Variants in ATP6V1B2 observed in about 807,000 individuals in gnomAD.
ATP6V1B2 encodes the protein ATPase H+ transporting V1 subunit B2, also known as V-type proton ATPase subunit B, brain isoform.
A neutral mutation model predicts 66.7 loss-of-function variants in ATP6V1B2; 23 were observed. The observed-to-expected ratio is 0.34, with a 90% CI of 0.25 to 0.49. The LOEUF (loss-of-function observed/expected upper bound fraction) is 0.49. Among genes scored for constraint, ATP6V1B2 ranks in the 20% least tolerant of loss-of-function variants. The pLI is 0.99. For synonymous variants in ATP6V1B2, 278 were observed against 236.7 expected (o/e 1.17, Z -1.60); for missense variants, 478 against 650.8 (o/e 0.73, Z 2.89).
At chr8:20,217,854 G>T (rs2072870881) in intron 12 of ATP6V1B2, among the ~76,000 whole-genome samples, 1 of 152,060 alleles carries the variant, frequency 6.6e-6, no homozygotes, top group South Asian at 2.1e-4. Context: ...ATTTCTCCAT[G>T]GTTTAACTAT....
At chr8:20,219,354 A>G (rs936252774) in intron 13 of ATP6V1B2, among the ~76,000 whole-genome samples, 2 of 152,134 alleles carry the variant, frequency 1.3e-5, no homozygotes, top group Non-Finnish European at 2.9e-5. Flanking sequence ...TGCCATTGCC[A>G]GGGTAAATAT....
At chr8:20,200,097 G>A (rs956252989) in intron 1 of ATP6V1B2, among the ~76,000 whole-genome samples, 1 of 151,964 alleles carries the variant, frequency 6.6e-6, no homozygotes, top group African/African-American at 2.4e-5. Flanking sequence ...CCACATCTCA[G>A]GCTCAAGCGA....
rs1374739868 is a variant in ATP6V1B2, at chr8:20,210,229, A to C, written c.292-117A>C. On this transcript the variant is annotated intron_variant, in intron 3 of 13. Coordinates refer to ENST00000276390, the MANE Select transcript of ATP6V1B2 (RefSeq NM_001693.4). ...TCATATTTCTTTGCTCATTATATCA[A>C]AAGTAGTATACATTCATGGGTTTTA... The C allele has an allele frequency of 7.7e-6, 6 of 781,528 alleles. No individual in the cohort carries two copies. In the East Asian group the frequency reaches 1.7e-4, roughly 22 times the overall value. The allele number at this position is 781,528 out of a possible 1,614,324, so 48.4% of individuals were successfully genotyped here. A position where few individuals can be genotyped will look rare whatever the true frequency, so the allele number is the denominator to read the frequency against.
intron 2 of ATP6V1B2, among the ~76,000 whole-genome samples, chr8:20,208,437 C>G (rs999272725): frequency 1.3e-4 from 20 of 152,130 alleles, no homozygotes; most frequent in Non-Finnish European, 2.8e-4. Context: ...TCACATCACA[C>G]AAAATAATGA....
chr8:20,211,420 C>A, intron 6 of ATP6V1B2, 104 bp downstream of exon 6: 1 of 1,460,700 alleles, frequency 6.8e-7, no homozygotes, highest in South Asian at 1.4e-5. Flanking sequence ...AATAAATACT[C>A]AGTGTTATTG....
At chr8:20,201,310 G>GT (rs1471728883) in intron 1 of ATP6V1B2, among the ~76,000 whole-genome samples, 9 of 152,280 alleles carry the variant, frequency 5.9e-5, no homozygotes, top group African/African-American at 2.2e-4. Flanking sequence ...TTACAAATGG[G>GT]TTTTTTCCTG....
chr8:20,198,808 G>A (rs1473151582), intron 1 of ATP6V1B2, among the ~76,000 whole-genome samples: 2 of 152,194 alleles, frequency 1.3e-5, no homozygotes, highest in African/African-American at 4.8e-5. Context: ...GCTGAGATGT[G>A]CCTTTTACAG....
At chr8:20,199,014 T>C (rs998579970) in intron 1 of ATP6V1B2, among the ~76,000 whole-genome samples, 24 of 152,244 alleles carry the variant, frequency 1.6e-4, no homozygotes, top group African/African-American at 5.8e-4. Context: ...TAGACATTAG[T>C]GGTGCCTCTC....
intron 10 of ATP6V1B2, chr8:20,215,207 T>G (rs2072841588): frequency 5.4e-6 from 2 of 367,414 alleles, no homozygotes; most frequent in Non-Finnish European, 9.7e-6. Context: ...ATTGAGTGCC[T>G]GCTGTTTGCA....
rs1188598465 is a variant in ATP6V1B2, at chr8:20,221,215, G to C, written c.*813G>C. The stretch of plus-strand genomic sequence containing the variant: ...AAAACCTACAGCCTTTCTACATTCT[G>C]ACATGCTAACAGTGGTTTAAGTTTC... On this transcript the variant is annotated 3_prime_UTR_variant, in exon 14 of 14. Transcript: ENST00000276390. The C allele has an allele frequency of 6.6e-6, 1 of 152,328 alleles. No homozygotes were observed. Among genetic ancestry groups the C allele is most frequent in the African/African-American group, 2.4e-5 (1 of 41,576 alleles). 9.4% of individuals were successfully genotyped at this position (152,328 alleles called of 1,614,324 possible). A position where few individuals can be genotyped will look rare whatever the true frequency, so the allele number is the denominator to read the frequency against.
At chr8:20,199,024 C>G (rs2072656731) in intron 1 of ATP6V1B2, among the ~76,000 whole-genome samples, 1 of 152,064 alleles carries the variant, frequency 6.6e-6, no homozygotes, top group African/African-American at 2.4e-5. Context: ...TGGTGCCTCT[C>G]AAAAAAGGTT....
In ATP6V1B2 at chr8:20,211,694, T is replaced by G. The variant is rs776546672; in HGVS notation, c.646T>G (p.Ser216Ala). The change falls in exon 7 of 14, where the codon TCC becomes GCC. Residue 216 changes from serine to alanine, a missense_variant. Around this residue, in one of 2 missense-constraint regions of ATP6V1B2, gnomAD observed 326 missense variants for 545.6 expected, o/e 0.60. Coordinates refer to ENST00000276390, the MANE Select transcript of ATP6V1B2 (RefSeq NM_001693.4). ...TCGCCAGGCTGGTTTGGTAAAGAAA[T>G]CCAAAGATGTAGTAGACTACAGTGA... is the stretch of plus-strand genomic sequence containing the variant. ...ICRQAGLVKK[S>A]KDVVDYSEEN... The G allele has an allele frequency of 2.0e-5, 32 of 1,612,910 alleles. 2 individuals are homozygous for G. The South Asian group carries it at 3.2e-4, about 16-fold the overall frequency.
At position 20,220,166 on chromosome 8, in the gene ATP6V1B2, T is replaced by C. The variant is rs1056968870; in HGVS notation, c.1397-97T>C. 2.9e-6 allele frequency: 4 copies of C among 1,367,232 alleles called. No individual in the cohort carries two copies. The African/African-American group carries it at 6.2e-5, about 21-fold the overall frequency. 84.7% of individuals were successfully genotyped at this position (1,367,232 alleles called of 1,614,324 possible). The stretch of plus-strand genomic sequence containing the variant: ...GTCCCAACTTTTTTTTTTCAATATC[T>C]ATTTAATACACTGCTAGTCATATAA... On this transcript the variant is annotated intron_variant, in intron 13 of 13. Coordinates refer to ENST00000276390, the MANE Select transcript of ATP6V1B2 (RefSeq NM_001693.4).
intron 1 of ATP6V1B2, 106 bp downstream of exon 1, chr8:20,197,648 C>T: frequency 2.4e-6 from 3 of 1,247,604 alleles, no homozygotes; most frequent in South Asian, 3.1e-5. Flanking sequence ...TTGTTTTTCC[C>T]TCCCGCGTCT....
At chr8:20,213,771 G>C (rs1262478229) in intron 9 of ATP6V1B2, 2 of 152,078 alleles carry the variant, frequency 1.3e-5, no homozygotes, top group Non-Finnish European at 2.9e-5. Context: ...GAAGAGACAG[G>C]CTTCTTAAAA....
At chr8:20,202,386 CTAACTCTGTCTGTTATGG>C (rs2072696639) in intron 1 of ATP6V1B2, among the ~76,000 whole-genome samples, 1 of 152,148 alleles carries the variant, frequency 6.6e-6, no homozygotes, top group Non-Finnish European at 1.5e-5. Context: ...ATAATGATAG[CTAACTCTGTCTGTTATGG>C]AGATTAAATG....
intron 12 of ATP6V1B2, among the ~76,000 whole-genome samples, chr8:20,217,667 T>C (rs1443095430): frequency 1.3e-5 from 2 of 152,224 alleles, no homozygotes; most frequent in Admixed American, 6.5e-5. Context: ...GCTTAACATA[T>C]TAAGCCGTCA....
chr8:20,211,573 A>G (rs2128885838), intron 6 of ATP6V1B2, 79 bp from the exon 7 acceptor site: 7 of 1,464,020 alleles, frequency 4.8e-6, no homozygotes, highest in East Asian at 2.3e-5. Context: ...TACGATTCCA[A>G]AAAGTTTATG....
At position 20,197,428 on chromosome 8, in the gene ATP6V1B2, G is replaced by A. The variant is rs941183850; in HGVS notation, c.22G>A (p.Gly8Arg). 2.3e-5 allele frequency: 35 copies of A among 1,544,992 alleles called. No homozygotes were observed. The highest frequency in any genetic ancestry group is 2.8e-5 in the African/African-American group (2 of 70,348). ...CAAGATGGCGCTGCGGGCGATGCGG[G>A]GGATTGTCAACGGGGCCGCACCCGA... MALRAMRGIVNGAAPELP... is the reference protein window; with the variant it reads MALRAMRRIVNGAAPELP... Residue 8 changes from glycine to arginine, a missense_variant, in exon 1 of 14, where the codon GGG becomes AGG. Gly to Arg is a moderately radical substitution (Grantham distance 125). This residue lies in a region of ATP6V1B2 where 152 missense variants were observed against 105.2 expected (regional missense o/e 1.44). Transcript: ENST00000276390.
Sources: gnomAD v4.1 joint callset for allele counts (sites outside exome capture counted in the v4.1 genomes callset) on GRCh38, gnomAD v4.1.1 for gene constraint, gnomAD v4.1.1 regional missense constraint, MANE v1.5 for transcripts, NCBI Gene and HGNC (gene_info 2026-07-23, HGNC 2026-07-21) for gene names.